Variants in PRKD3 observed in about 807,000 individuals in gnomAD.
The protein encoded by PRKD3 is protein kinase D3, also known as serine/threonine-protein kinase D3.
Under a neutral mutation model 99.2 loss-of-function variants are expected in PRKD3, and 47 were observed. The observed-to-expected ratio is 0.47, with a 90% CI of 0.38 to 0.60. PRKD3 has a LOEUF of 0.60. Among genes scored for constraint, PRKD3 ranks in the 20% least tolerant of loss-of-function variants. The pLI is 0.00. For missense variants in PRKD3, 1,019 were observed against 1,088.4 expected, an observed-to-expected ratio of 0.94 and a Z score of 0.90; for synonymous variants, 392 against 355.4, an observed-to-expected ratio of 1.10 and a Z score of -1.16.
Position 37,285,100 on chromosome 2 carries a change from T to C in PRKD3, c.910+1077A>G, listed in dbSNP as rs1670029900. On this transcript the variant is annotated intron_variant, in intron 6 of 18. Transcript: ENST00000234179. ...ACAAATACTTCTACTATATAAAAAG[T>C]ACAATACCAAGAACTGCTAATTACA... Among the ~76,000 whole-genome samples the C allele has an allele frequency of 3.3e-5, 5 of 151,916 alleles. No individual in the cohort carries two copies. In the South Asian group the frequency reaches 1.0e-3, roughly 32 times the overall value.
At chr2:37,273,211 G>C (rs1248608858) in intron 11 of PRKD3, among the ~76,000 whole-genome samples, 1 of 151,958 alleles carries the variant, frequency 6.6e-6, no homozygotes, top group East Asian at 1.9e-4. Flanking sequence ...CTTTTAAAGA[G>C]TGTGTAAGTG....
At chr2:37,258,966 T>C (rs754399546) in intron 16 of PRKD3, among the ~76,000 whole-genome samples, 5 of 152,106 alleles carry the variant, frequency 3.3e-5, no homozygotes, top group Non-Finnish European at 7.4e-5. Flanking sequence ...CCACCACTTA[T>C]TTCTCAGGAT....
chr2:37,324,755 T>C lies in PRKD3; in HGVS notation c.-730A>G, dbSNP rs1284760421. 1 of 151,060 alleles carries C rather than the reference T, an allele frequency of 6.6e-6. No homozygotes were observed. The highest frequency in any genetic ancestry group is 1.5e-5 in the Non-Finnish European group (1 of 67,568). The allele number at this position is 151,060 out of a possible 1,614,324, so 9.4% of individuals were successfully genotyped here. On this transcript the variant is annotated 5_prime_UTR_variant, in exon 1 of 19. Transcript: ENST00000234179. The stretch of plus-strand genomic sequence containing the variant: ...TACCGGACGAGGCGCCAGCGAGGCT[T>C]CACGCGCCTCGCAGGATCCCGCCCG...
chr2:37,280,802 C>T (rs548271381), intron 7 of PRKD3, among the ~76,000 whole-genome samples: 4 of 152,172 alleles, frequency 2.6e-5, no homozygotes, highest in African/African-American at 7.2e-5. Flanking sequence ...ACAAACAACA[C>T]CTTACGAAGT....
intron 11 of PRKD3, among the ~76,000 whole-genome samples, chr2:37,274,147 G>A (rs1246674702): frequency 5.9e-5 from 9 of 152,116 alleles, no homozygotes; most frequent in Admixed American, 5.9e-4. Context: ...GTGAGGTAAA[G>A]TACTTGCCTG....
At chr2:37,275,893 A>G (rs1336876812) in intron 9 of PRKD3, 49 bp from the exon 10 acceptor site, 3 of 1,579,192 alleles carry the variant, frequency 1.9e-6, no homozygotes, top group Non-Finnish European at 2.6e-6. Flanking sequence ...TGATTCCTCC[A>G]AAGTGCTTGT....
chr2:37,309,093 C>T (rs535887802), intron 2 of PRKD3, among the ~76,000 whole-genome samples: 10 of 152,278 alleles, frequency 6.6e-5, no homozygotes, highest in African/African-American at 2.4e-4. Context: ...AAAAATTACA[C>T]ACTATCAGTC....
rs1671658342 is a variant in PRKD3, at chr2:37,316,405, G to T, written c.120C>A (p.Leu40=). The T allele has an allele frequency of 2.5e-6, 4 of 1,614,092 alleles. No individual in the cohort carries two copies. Among genetic ancestry groups the T allele is most frequent in the Non-Finnish European group, 3.4e-6 (4 of 1,180,048 alleles). Residue 40 remains leucine, a synonymous_variant, in exon 2 of 19, where the codon CTC becomes CTA. Transcript: ENST00000234179. ...ATGGTGCACTGAAGCTTCCATTAGA[G>T]AGTCGGGCAGAGAGTCCCGTCTTAG... ...SSPKTGLSAR[L]SNGSFSAPSL... is the part of the protein sequence containing the mutation.
chr2:37,307,883 ACCT>A, intron 2 of PRKD3, among the ~76,000 whole-genome samples: 1 of 152,250 alleles, frequency 6.6e-6, no homozygotes, highest in African/African-American at 2.4e-5. Flanking sequence ...TGGGACAAAA[ACCT>A]CAGTGTATAT....
intron 1 of PRKD3, among the ~76,000 whole-genome samples, chr2:37,323,471 T>G (rs1040752900): frequency 6.6e-6 from 1 of 152,026 alleles, no homozygotes; most frequent in Non-Finnish European, 1.5e-5. Flanking sequence ...CAAATCCTAC[T>G]TTTAGAAAAT....
At position 37,274,452 on chromosome 2, in the gene PRKD3, A is replaced by G. The variant is rs757719200; in HGVS notation, c.1620T>C (p.Val540=). 6 of 1,614,000 alleles carry G rather than the reference A, an allele frequency of 3.7e-6. No homozygotes were observed. The African/African-American group carries it at 8.0e-5, about 22-fold the overall frequency. ...CTTTCCCTTGCCCTGGAGAAGTGCAAACACTTGCTTGAGGAGTAACAGGCA... is the reference window on the plus strand; with the variant it reads ...CTTTCCCTTGCCCTGGAGAAGTGCAGACACTTGCTTGAGGAGTAACAGGCA... ...ALMPVTPQAS[V]CTSPGQGKDH... is the part of the protein sequence containing the mutation. Residue 540 remains valine (V), a synonymous_variant, in exon 11 of 19, where the codon GTT becomes GTC. Transcript: ENST00000234179.
At chr2:37,276,711 G>A (rs1364894108) in intron 9 of PRKD3, among the ~76,000 whole-genome samples, 2 of 150,392 alleles carry the variant, frequency 1.3e-5, no homozygotes, top group African/African-American at 4.9e-5. Context: ...AGTTTCTTCT[G>A]TTTAATTTCT....
At position 37,279,918 on chromosome 2, in the gene PRKD3, G is replaced by C; in HGVS notation, c.1000C>G (p.Leu334Val). 6.2e-7 allele frequency: 1 copy of C among 1,601,512 alleles called. No individual in the cohort carries two copies. ...ATTGGTATATCTGTATCTGTTCCCAGACTGGAAGGTTCTGGGAAAATTTTA... is the reference window on the plus strand; with the variant it reads ...ATTGGTATATCTGTATCTGTTCCCACACTGGAAGGTTCTGGGAAAATTTTA... ...EVTFNGEPSS[L>V]GTDTDIPMDI... Residue 334 changes from leucine (L) to valine (V), a missense_variant, in exon 8 of 19, where the codon CTG becomes GTG. By Grantham distance (32) the Leu-to-Val change is conservative. Transcript: ENST00000234179.
chr2:37,301,303 T>A (rs987827872), intron 2 of PRKD3, among the ~76,000 whole-genome samples: 2 of 152,144 alleles, frequency 1.3e-5, no homozygotes, highest in African/African-American at 2.4e-5. Flanking sequence ...AGAGAGCTTT[T>A]AAGATAATAG....
rs769143531 is a variant in PRKD3, at chr2:37,279,822, G to A, written c.1096C>T (p.Pro366Ser). ...TCCAAGAAGAACATCTTATCTTCTG[G>A]GGGTGATGGCTCTTCTGTGTCATCC... is the stretch of plus-strand genomic sequence containing the variant. ...GLDDTEEPSP[P>S]EDKMFFLDPS... is the part of the protein sequence containing the mutation. The change falls in exon 8 of 19, where the codon CCA (proline) becomes TCA (serine). Residue 366 changes from proline to serine, a missense_variant. By Grantham distance (74) the Pro-to-Ser change is moderately conservative (BLOSUM62 -1). Transcript: ENST00000234179. The A allele has an allele frequency of 4.5e-5, 73 of 1,613,452 alleles. No homozygotes were observed. The highest frequency in any genetic ancestry group is 5.5e-5 in the Non-Finnish European group (65 of 1,179,824).
chr2:37,257,622 C>T (rs1483924849), intron 16 of PRKD3, among the ~76,000 whole-genome samples: 12 of 135,942 alleles, frequency 8.8e-5, no homozygotes, highest in African/African-American at 2.7e-4. Flanking sequence ...GTCGAGATTA[C>T]GCCGCTGCAA....
At chr2:37,309,886 T>G (rs1671348477) in intron 2 of PRKD3, among the ~76,000 whole-genome samples, 1 of 150,600 alleles carries the variant, frequency 6.6e-6, no homozygotes, top group African/African-American at 2.4e-5. Flanking sequence ...ATTATGCCCT[T>G]AGGAATATAT....
intron 3 of PRKD3, among the ~76,000 whole-genome samples, chr2:37,292,789 T>G (rs201612633): frequency 1.3e-5 from 2 of 151,868 alleles, no homozygotes; most frequent in African/African-American, 4.8e-5. Context: ...AAGACTACAG[T>G]TGCATGTGAC....
rs748607140 is a variant in PRKD3, at chr2:37,279,825, G to C, written c.1093C>G (p.Pro365Ala). The change falls in exon 8 of 19, where the codon CCC (proline) becomes GCC (alanine). Residue 365 changes from proline (P) to alanine (A), a missense_variant. Pro to Ala is a conservative substitution (Grantham distance 27). This residue lies in a region of PRKD3 where 710 missense variants were observed against 692.7 expected (regional missense o/e 1.02). Coordinates refer to ENST00000234179, the MANE Select transcript of PRKD3 (RefSeq NM_005813.6). ...RGLDDTEEPS[P>A]PEDKMFFLDP... ...AAGAAGAACATCTTATCTTCTGGGGGTGATGGCTCTTCTGTGTCATCCAAA... is the reference window on the plus strand; with the variant it reads ...AAGAAGAACATCTTATCTTCTGGGGCTGATGGCTCTTCTGTGTCATCCAAA... The C allele has an allele frequency of 1.2e-6, 2 of 1,613,720 alleles. No homozygotes were observed. Among genetic ancestry groups the C allele is most frequent in the Non-Finnish European group, 1.7e-6 (2 of 1,179,878 alleles).
Sources: gnomAD v4.1 joint callset for allele counts (sites outside exome capture counted in the v4.1 genomes callset) on GRCh38, gnomAD v4.1.1 for gene constraint, gnomAD v4.1.1 regional missense constraint, MANE v1.5 for transcripts, NCBI Gene and HGNC (gene_info 2026-07-23, HGNC 2026-07-21) for gene names.